Variants in TRPM3 observed in about 807,000 individuals in gnomAD.
The protein encoded by TRPM3 is long transient receptor potential channel 3.
TRPM3 carries 77 observed loss-of-function variants against 181.2 expected under a neutral mutation model. The ratio of observed to expected loss-of-function variants is 0.42; its 90% CI spans 0.35 to 0.51. TRPM3 has a LOEUF of 0.51. Ranked by LOEUF, TRPM3 falls within the 20% of genes least tolerant of loss-of-function variation. TRPM3 has a pLI of 0.01. For synonymous variants in TRPM3, 745 were observed against 796.4 expected, an observed-to-expected ratio of 0.94 and a Z score of 1.09; for missense variants, 1,759 against 2,196.7, an observed-to-expected ratio of 0.80 and a Z score of 3.98.
At chr9:70,737,616 C>T (rs113971416) in intron 8 of TRPM3, among the ~76,000 whole-genome samples, 1 of 129,680 alleles carries the variant, frequency 7.7e-6, no homozygotes, top group South Asian at 2.9e-4. Flanking sequence ...TATTTGTTAT[C>T]TTCAAGAGAC....
At chr9:70,633,200 T>A (rs1462698241) in intron 12 of TRPM3, among the ~76,000 whole-genome samples, 3 of 152,148 alleles carry the variant, frequency 2.0e-5, no homozygotes. Context: ...AAGGAGAGAA[T>A]ACTCCAAGTC....
intron 1 of TRPM3, among the ~76,000 whole-genome samples, chr9:70,903,973 A>T (rs925441586): frequency 2.0e-5 from 3 of 152,140 alleles, no homozygotes; most frequent in African/African-American, 7.2e-5. Context: ...CTGTAATTCC[A>T]TCATTTTGGA....
chr9:70,962,051 G>C lies in TRPM3; in HGVS notation c.178-97540C>G, dbSNP rs564848509. 9.9e-5 allele frequency among the ~76,000 whole-genome samples: 15 copies of C among 152,244 alleles called. No homozygotes were observed. The South Asian group carries it at 2.7e-3, about 27-fold the overall frequency. ...TAGGAAGGAAATGGTAGGAGAACTA[G>C]AGAAGGCACTAAAATTCTCAAAGAC... is the stretch of plus-strand genomic sequence containing the variant. On this transcript the variant is annotated intron_variant, in intron 1 of 25. Coordinates refer to ENST00000677713, the MANE Select transcript of TRPM3 (RefSeq NM_001366145.2).
chr9:71,290,087 G>T (rs903938368), intron 1 of TRPM3, among the ~76,000 whole-genome samples: 1 of 151,860 alleles, frequency 6.6e-6, no homozygotes, highest in African/African-American at 2.4e-5. Flanking sequence ...ACAAAAAAAG[G>T]AGAGAAGCTC....
At position 71,157,172 on chromosome 9, in the gene TRPM3, C is replaced by T. The variant is rs557044276; in HGVS notation, c.183+289481G>A. 5.7e-4 allele frequency among the ~76,000 whole-genome samples: 86 copies of T among 152,144 alleles called. No homozygotes were observed. In the South Asian group the frequency reaches 0.013, roughly 24 times the overall value. On this transcript the variant is annotated intron_variant, in intron 1 of 24. Coordinates refer to the TRPM3 transcript ENST00000357533. ...CATTAATAGAAAATGAATAACAGTA[C>T]ATTATCAACAAAAAGCATAACACCT...
intron 8 of TRPM3, among the ~76,000 whole-genome samples, chr9:70,698,610 A>G (rs2071372903): frequency 1.3e-5 from 2 of 152,174 alleles, no homozygotes; most frequent in African/African-American, 4.8e-5. Context: ...ACATAGTGAT[A>G]TGGTTTGGAT....
chr9:70,616,797 A>G (rs2062857087), intron 17 of TRPM3, among the ~76,000 whole-genome samples: 1 of 152,160 alleles, frequency 6.6e-6, no homozygotes, highest in Admixed American at 6.5e-5. Context: ...TCATGTATAA[A>G]CATCACGCAT....
intron 8 of TRPM3, among the ~76,000 whole-genome samples, chr9:70,691,244 T>C (rs2068453931): frequency 6.6e-6 from 1 of 152,220 alleles, no homozygotes; most frequent in African/African-American, 2.4e-5. Context: ...TTAAAAGTGA[T>C]GCTAGGGAGC....
chr9:71,306,167 C>T (rs78851855), intron 1 of TRPM3, among the ~76,000 whole-genome samples: 1,872 of 152,198 alleles, frequency 0.012, 48 homozygotes, highest in African/African-American at 0.043. Flanking sequence ...ACTATTATCA[C>T]GAACTTGTTT....
At chr9:71,041,912 T>C (rs2058869243) in intron 1 of TRPM3, among the ~76,000 whole-genome samples, 1 of 152,176 alleles carries the variant, frequency 6.6e-6, no homozygotes, top group Admixed American at 6.5e-5. Context: ...TTTTCTCTTA[T>C]ATTGTCCCCT....
chr9:70,994,787 T>C (rs2097526956), intron 1 of TRPM3, among the ~76,000 whole-genome samples: 1 of 152,218 alleles, frequency 6.6e-6, no homozygotes, highest in Non-Finnish European at 1.5e-5. Flanking sequence ...GACTCTGCTT[T>C]TGTTGTGCAT....
intron 1 of TRPM3, among the ~76,000 whole-genome samples, chr9:70,876,814 C>A (rs933815993): frequency 6.6e-6 from 1 of 151,960 alleles, no homozygotes; most frequent in Non-Finnish European, 1.5e-5. Flanking sequence ...AACAAGTTAT[C>A]ATTTTTCCCC....
intron 1 of TRPM3, among the ~76,000 whole-genome samples, chr9:71,099,635 G>A (rs1424879464): frequency 2.0e-5 from 3 of 152,092 alleles, no homozygotes; most frequent in Admixed American, 6.6e-5. Flanking sequence ...CCTGGGGCAA[G>A]CCCATTATGC....
intron 18 of TRPM3, among the ~76,000 whole-genome samples, chr9:70,612,253 G>T (rs1474385218): frequency 6.6e-6 from 1 of 152,186 alleles, no homozygotes; most frequent in African/African-American, 2.4e-5. Context: ...CTTCAGTACT[G>T]TTCTAACACA....
chr9:70,755,339 GT>G (rs2076875715), intron 8 of TRPM3, among the ~76,000 whole-genome samples: 1 of 151,674 alleles, frequency 6.6e-6, no homozygotes. Context: ...AACCCTACAA[GT>G]CAGAAGAGAA....
At chr9:70,633,331 C>A (rs1247273555) in intron 12 of TRPM3, among the ~76,000 whole-genome samples, 1 of 152,086 alleles carries the variant, frequency 6.6e-6, no homozygotes, top group East Asian at 1.9e-4. Context: ...CAATTTTAAG[C>A]CAGGATGAAT....
chr9:70,540,888 A>G (rs1844323856), intron 25 of TRPM3, among the ~76,000 whole-genome samples: 1 of 151,904 alleles, frequency 6.6e-6, no homozygotes, highest in Admixed American at 6.6e-5. Flanking sequence ...ACACCCAGCT[A>G]ATTTTTGTAC....
chr9:71,353,101 T>C (rs1215028635), intron 1 of TRPM3, among the ~76,000 whole-genome samples: 1 of 152,064 alleles, frequency 6.6e-6, no homozygotes, highest in East Asian at 1.9e-4. Flanking sequence ...TACCACCTGC[T>C]CTCTCTGCTT....
intron 25 of TRPM3, among the ~76,000 whole-genome samples, chr9:70,538,935 C>A (rs904511459): frequency 6.6e-6 from 1 of 152,122 alleles, no homozygotes; most frequent in Non-Finnish European, 1.5e-5. Context: ...AAGGACAAAC[C>A]AAAGCCAAGT....
Sources: allele counts gnomAD v4.1 joint callset (sites outside exome capture counted in the v4.1 genomes callset), GRCh38; gene constraint gnomAD v4.1.1; transcripts MANE v1.5; gene names NCBI Gene and HGNC (gene_info 2026-07-23, HGNC 2026-07-21).